Variants in FAAH2 observed in about 807,000 individuals in gnomAD.
The protein encoded by FAAH2 is fatty acid amide hydrolase 2, also known as fatty-acid amide hydrolase 2.
Under a neutral mutation model 36.9 loss-of-function variants are expected in FAAH2, and 60 were observed. The observed-to-expected ratio is 1.63, with a 90% CI of 1.32 to 2.02. The LOEUF (loss-of-function observed/expected upper bound fraction) is 2.02, where lower values mean the gene tolerates loss of function less well. Among genes scored for constraint, FAAH2 ranks in the 30% most tolerant of loss-of-function variants. The pLI, the probability that FAAH2 is intolerant of heterozygous loss-of-function variation, is 0.00. For synonymous variants in FAAH2, 214 were observed against 143.8 expected (o/e 1.49, Z -3.49); for missense variants, 689 against 397.5 (o/e 1.73, Z -6.23).
At position 57,459,984 on chromosome X, in the gene FAAH2, A is replaced by C. The variant is rs901564149; in HGVS notation, c.1423+11266A>C. On this transcript the variant is annotated intron_variant, in intron 10 of 10. Transcript: ENST00000374900. ...CTCTCCAGCAAGGGCACAAAAATGC[A>C]TGCAGAATGAGTTTGACGAATTGAC... is the stretch of plus-strand genomic sequence containing the variant. Among the ~76,000 whole-genome samples, 3 of 111,849 alleles carry C rather than the reference A, an allele frequency of 2.7e-5. No homozygotes were observed. In the Admixed American group the frequency reaches 2.8e-4, roughly 11 times the overall value.
chrX:57,226,529 G>T, the FAAH2 span, among the ~76,000 whole-genome samples: 1 of 111,939 alleles, frequency 8.9e-6, no homozygotes, highest in South Asian at 3.7e-4. Context: ...CTGTTAATCT[G>T]TTAGGTTTTC....
chrX:57,471,136 A>G lies in FAAH2; in HGVS notation c.1424-17621A>G, dbSNP rs1391088362. Among the ~76,000 whole-genome samples, 5 of 111,848 alleles carry G rather than the reference A, an allele frequency of 4.5e-5. No homozygotes were observed. The Admixed American group carries it at 4.8e-4, about 11-fold the overall frequency. ...TATTTATAACAAACTCACAGCCAAT[A>G]TCATACTGAATGAGAAAAAACTGGA... On this transcript the variant is annotated intron_variant, in intron 10 of 10. Transcript: ENST00000374900.
the FAAH2 span, among the ~76,000 whole-genome samples, chrX:57,221,985 A>G: frequency 9.0e-6 from 1 of 110,666 alleles, no homozygotes; most frequent in Non-Finnish European, 1.9e-5. Flanking sequence ...TGCAACTACC[A>G]TACTATCTCT....
At chrX:57,253,429 A>T in the FAAH2 span, among the ~76,000 whole-genome samples, 1 of 111,664 alleles carries the variant, frequency 9.0e-6, no homozygotes, top group African/African-American at 3.3e-5. Context: ...CACCAAAAAG[A>T]TACTCTTTGA....
chrX:57,394,403 T>C lies in FAAH2; in HGVS notation c.996+13374T>C, dbSNP rs1602518744. ...CAGAACTTTGGCCTTTGTTTCACCA[T>C]ATAATTCTACCTCTTCAGACAGCAG... On this transcript the variant is annotated intron_variant, in intron 7 of 10. Transcript: ENST00000374900. 9.2e-6 allele frequency: 11 copies of C among 1,194,328 alleles called. No homozygotes were observed. In the South Asian group the frequency reaches 1.2e-4, roughly 13 times the overall value.
chrX:57,376,070 T>G (rs1030953725), intron 5 of FAAH2, among the ~76,000 whole-genome samples: 3 of 111,573 alleles, frequency 2.7e-5, no homozygotes, highest in Non-Finnish European at 5.7e-5. Flanking sequence ...GATATTATTC[T>G]GTTTCATTAT....
intron 1 of FAAH2, among the ~76,000 whole-genome samples, chrX:57,289,461 G>C (rs887155955): frequency 2.6e-4 from 29 of 110,856 alleles, no homozygotes; most frequent in African/African-American, 9.2e-4. Context: ...TACATAGCCT[G>C]GTCATTTGGA....
chrX:57,392,818 G>A (rs376524115), intron 7 of FAAH2: 7 of 663,062 alleles, frequency 1.1e-5, no homozygotes, highest in South Asian at 2.2e-5. Context: ...ACACCTTTTC[G>A]CTCTGGGTTG....
intron 7 of FAAH2, among the ~76,000 whole-genome samples, chrX:57,400,544 A>T (rs1222428879): frequency 2.7e-5 from 3 of 112,217 alleles, no homozygotes; most frequent in Non-Finnish European, 5.6e-5. Flanking sequence ...CATCTTACTA[A>T]ATGGGTATTG....
At chrX:57,438,745 T>C (rs2056473814) in intron 8 of FAAH2, among the ~76,000 whole-genome samples, 1 of 77,677 alleles carries the variant, frequency 1.3e-5, no homozygotes. Flanking sequence ...ATGCTATCCC[T>C]CCCCCCTCCC....
the FAAH2 span, among the ~76,000 whole-genome samples, chrX:57,232,215 G>A: frequency 8.9e-6 from 1 of 111,769 alleles, no homozygotes; most frequent in Admixed American, 9.5e-5. Flanking sequence ...AATTCCATTT[G>A]GATTTGACAT....
At chrX:57,424,200 C>A (rs1271007348) in intron 7 of FAAH2, among the ~76,000 whole-genome samples, 1 of 112,030 alleles carries the variant, frequency 8.9e-6, no homozygotes, top group East Asian at 2.8e-4. Flanking sequence ...CCAGTCAGTC[C>A]TTTTTTTGGT....
the FAAH2 span, among the ~76,000 whole-genome samples, chrX:57,261,506 C>G: frequency 2.2e-5 from 2 of 89,636 alleles, no homozygotes; most frequent in Non-Finnish European, 4.2e-5. Context: ...TGAGCAGAGA[C>G]TGTGCCATTG....
intron 7 of FAAH2, among the ~76,000 whole-genome samples, chrX:57,429,206 G>C (rs781035412): frequency 9.1e-6 from 1 of 109,502 alleles, no homozygotes; most frequent in Non-Finnish European, 1.9e-5. Flanking sequence ...GGGCGTGGTG[G>C]CGGGTGCCTG....
At chrX:57,230,314 TG>T in the FAAH2 span, among the ~76,000 whole-genome samples, 1 of 112,134 alleles carries the variant, frequency 8.9e-6, no homozygotes, top group Non-Finnish European at 1.9e-5. Context: ...TTTGTGGACT[TG>T]GGGAAAGGTG....
the FAAH2 span, among the ~76,000 whole-genome samples, chrX:57,209,795 A>C: frequency 2.7e-5 from 3 of 110,953 alleles, no homozygotes; most frequent in Admixed American, 1.9e-4. Context: ...CTGCCTTTCA[A>C]GGTTATTTAG....
chrX:57,269,317 G>A, the FAAH2 span, among the ~76,000 whole-genome samples: 1 of 111,292 alleles, frequency 9.0e-6, no homozygotes, highest in East Asian at 2.8e-4. Context: ...ACAGATTATT[G>A]AGGCAGAAAA....
In FAAH2 at chrX:57,455,265, T is replaced by C. The variant is rs148019768; in HGVS notation, c.1423+6547T>C. Among the ~76,000 whole-genome samples, 4 of 111,487 alleles carry C rather than the reference T, an allele frequency of 3.6e-5. No individual in the cohort carries two copies. The Admixed American group carries it at 3.8e-4, about 11-fold the overall frequency. On this transcript the variant is annotated intron_variant, in intron 10 of 10. Transcript: ENST00000374900. ...ACAAGCAAGTACTAAAGGAATTTAT[T>C]ATTACCAGACCACCCTTACCCGAGT...
intron 10 of FAAH2, among the ~76,000 whole-genome samples, chrX:57,485,181 G>T (rs2057451546): frequency 8.9e-6 from 1 of 112,184 alleles, no homozygotes; most frequent in Non-Finnish European, 1.9e-5. Flanking sequence ...TCCTCCTACA[G>T]ATGCAGTGTT....
Sources: allele counts gnomAD v4.1 joint callset (sites outside exome capture counted in the v4.1 genomes callset), GRCh38; gene constraint gnomAD v4.1.1; transcripts MANE v1.5; gene names NCBI Gene and HGNC (gene_info 2026-07-23, HGNC 2026-07-21).